The following NEK1 variants were observed in gnomAD, a reference collection of about 807,000 sequenced individuals.
The protein encoded by NEK1 is NIMA related kinase 1.
In NEK1, 137 loss-of-function variants were observed where a neutral mutation model predicts 182.1. The ratio of observed to expected loss-of-function variants is 0.75; its 90% CI spans 0.65 to 0.87. The LOEUF is 0.87. NEK1 is among the 40% of genes least tolerant of loss of function. The pLI is 0.00. For missense variants in NEK1, 1,391 were observed against 1,494.4 expected, an observed-to-expected ratio of 0.93 and a Z score of 1.14; for synonymous variants, 513 against 492.2, an observed-to-expected ratio of 1.04 and a Z score of -0.56.
intron 11 of NEK1, 129 bp downstream of exon 11, chr4:169,580,713 A>G: frequency 3.2e-6 from 2 of 632,792 alleles, no homozygotes; most frequent in South Asian, 4.0e-5. Flanking sequence ...TAATAATTCT[A>G]AGGTGCATTT....
At chr4:169,409,664 A>G (rs1056323705) in intron 31 of NEK1, among the ~76,000 whole-genome samples, 3 of 152,064 alleles carry the variant, frequency 2.0e-5, no homozygotes, top group African/African-American at 7.2e-5. Flanking sequence ...GCTACTTGGG[A>G]GGCTGAGGCA....
chr4:169,585,828 A>C (rs190270359), intron 9 of NEK1, among the ~76,000 whole-genome samples: 33 of 152,274 alleles, frequency 2.2e-4, no homozygotes, highest in Non-Finnish European at 7.4e-5. Flanking sequence ...AAATGGTGAA[A>C]GGTTATGCCT....
At chr4:169,537,697 A>C in intron 19 of NEK1, 112 bp downstream of exon 19, 1 of 818,962 alleles carries the variant, frequency 1.2e-6, no homozygotes, top group African/African-American at 1.7e-5. Flanking sequence ...ACTGCCTCTT[A>C]TTATGCCTAG....
intron 23 of NEK1, among the ~76,000 whole-genome samples, chr4:169,488,330 T>C (rs1383218547): frequency 6.6e-6 from 1 of 152,220 alleles, no homozygotes; most frequent in Admixed American, 6.5e-5. Flanking sequence ...CTTTAATCCA[T>C]CTTGCGTTAA....
intron 18 of NEK1, chr4:169,555,388 T>G: frequency 3.5e-6 from 1 of 281,768 alleles, no homozygotes; most frequent in South Asian, 3.7e-5. Context: ...AAAGTGTGAT[T>G]CAATTTAGAT....
chr4:169,464,118 G>C (rs892814003), intron 26 of NEK1, among the ~76,000 whole-genome samples: 1 of 152,096 alleles, frequency 6.6e-6, no homozygotes, highest in Non-Finnish European at 1.5e-5. Flanking sequence ...TCCTGACTGT[G>C]AGTTTATATG....
At chr4:169,473,257 A>C (rs944438500) in intron 26 of NEK1, among the ~76,000 whole-genome samples, 13 of 151,970 alleles carry the variant, frequency 8.6e-5, no homozygotes, top group East Asian at 1.9e-4. Context: ...AAAAAAAAAA[A>C]AAAAACTGCA....
intron 27 of NEK1, among the ~76,000 whole-genome samples, chr4:169,460,310 G>A (rs1468841078): frequency 6.6e-6 from 1 of 151,278 alleles, no homozygotes; most frequent in Non-Finnish European, 1.5e-5. Context: ...GGAGGAGCAA[G>A]TCACATCTTA....
At chr4:169,557,478 A>T (rs1398876433) in intron 16 of NEK1, among the ~76,000 whole-genome samples, 1 of 152,238 alleles carries the variant, frequency 6.6e-6, no homozygotes, top group East Asian at 1.9e-4. Flanking sequence ...AACTTTTCTT[A>T]TCTGAGAATA....
At chr4:169,479,119 T>C (rs1461510059) in intron 24 of NEK1, among the ~76,000 whole-genome samples, 2 of 152,154 alleles carry the variant, frequency 1.3e-5, no homozygotes, top group African/African-American at 4.8e-5. Context: ...ATGTTTATAG[T>C]ATTATTTTCA....
intron 23 of NEK1, among the ~76,000 whole-genome samples, chr4:169,495,239 CTTTTTTTTTT>C (rs774183115): frequency 0.092 from 9,768 of 105,644 alleles, 1,181 homozygotes; most frequent in African/African-American, 0.3. Context: ...ACATTTAAGT[CTTTTTTTTTT>C]TTTTTTTTTT....
At chr4:169,461,064 A>AT (rs1743875977) in intron 27 of NEK1, among the ~76,000 whole-genome samples, 1 of 152,170 alleles carries the variant, frequency 6.6e-6, no homozygotes, top group African/African-American at 2.4e-5. Context: ...ACAAGCCTTG[A>AT]TAGTAGTGTT....
intron 12 of NEK1, among the ~76,000 whole-genome samples, chr4:169,571,736 CT>C (rs914799438): frequency 3.3e-5 from 5 of 151,408 alleles, no homozygotes; most frequent in African/African-American, 1.2e-4. Flanking sequence ...CTCTGGCTTG[CT>C]TTTTTTTCTT....
intron 31 of NEK1, among the ~76,000 whole-genome samples, chr4:169,415,204 T>C (rs901209983): frequency 6.6e-6 from 1 of 152,246 alleles, no homozygotes; most frequent in African/African-American, 2.4e-5. Context: ...TTTTAGACTA[T>C]TTAATTTTGA....
Position 169,471,214 on chromosome 4 carries a change from G to A in NEK1, c.2434+5910C>T, listed in dbSNP as rs183358446. Among the ~76,000 whole-genome samples, 11 of 152,248 alleles carry A rather than the reference G, an allele frequency of 7.2e-5. No homozygotes were observed. In the East Asian group the frequency reaches 1.9e-3, roughly 27 times the overall value. On this transcript the variant is annotated intron_variant, in intron 26 of 35. Coordinates refer to ENST00000507142, the MANE Select transcript of NEK1 (RefSeq NM_001199397.3). Reference sequence around the variant, plus strand: ...AGGAGAAGAGGCATTCTGGTTTTGGGAATTTTCAGCCTTTTTGCGTTGGTT... The same window carrying A: ...AGGAGAAGAGGCATTCTGGTTTTGGAAATTTTCAGCCTTTTTGCGTTGGTT...
chr4:169,449,180 A>C (rs979614829), intron 27 of NEK1, among the ~76,000 whole-genome samples: 2 of 152,254 alleles, frequency 1.3e-5, no homozygotes, highest in Non-Finnish European at 2.9e-5. Context: ...AGCCCACCGC[A>C]GCTCAACAAG....
intron 27 of NEK1, among the ~76,000 whole-genome samples, chr4:169,444,712 CA>C (rs1294588332): frequency 6.6e-6 from 1 of 152,126 alleles, no homozygotes; most frequent in Non-Finnish European, 1.5e-5. Context: ...TGAAAATTAA[CA>C]AAGAAACATT....
Position 169,528,739 on chromosome 4 carries a change from T to C in NEK1, c.1665+9070A>G, listed in dbSNP as rs1757255888. ...AAATAGAATGTAGATAGGCTATCAG[T>C]ATGGATCAAGAAGAATAAAACATCC... On this transcript the variant is annotated intron_variant, in intron 19 of 35. Transcript: ENST00000507142. Among the ~76,000 whole-genome samples the C allele has an allele frequency of 6.6e-5, 10 of 152,280 alleles. No individual in the cohort carries two copies. In the South Asian group the frequency reaches 2.1e-3, roughly 32 times the overall value.
At chr4:169,399,054 G>C (rs1004230048) in intron 35 of NEK1, among the ~76,000 whole-genome samples, 3 of 151,728 alleles carry the variant, frequency 2.0e-5, no homozygotes, top group Admixed American at 6.6e-5. Context: ...TTCGAGGCCA[G>C]CCTGGCCAAC....
Sources: gnomAD v4.1 joint callset for allele counts (sites outside exome capture counted in the v4.1 genomes callset) on GRCh38, gnomAD v4.1.1 for gene constraint, MANE v1.5 for transcripts, NCBI Gene and HGNC (gene_info 2026-07-23, HGNC 2026-07-21) for gene names.